The following FRAS1 variants were observed in gnomAD, a reference collection of about 807,000 sequenced individuals.
FRAS1 encodes Fraser extracellular matrix complex subunit 1.
FRAS1 carries 290 observed loss-of-function variants against 435.2 expected under a neutral mutation model. The ratio of observed to expected loss-of-function variants is 0.67; its 90% CI spans 0.61 to 0.73. The LOEUF (loss-of-function observed/expected upper bound fraction) is 0.73, where lower values mean the gene tolerates loss of function less well. FRAS1 is among the 30% of genes least tolerant of loss of function. The pLI is 0.00. For missense variants in FRAS1, 4,860 were observed against 5,001.5 expected (o/e 0.97, Z 0.85); for synonymous variants, 1,800 against 1,851.0 (o/e 0.97, Z 0.71).
At chr4:78,244,787 C>G (rs1725156157) in intron 3 of FRAS1, among the ~76,000 whole-genome samples, 2 of 152,182 alleles carry the variant, frequency 1.3e-5, no homozygotes, top group East Asian at 3.9e-4. Flanking sequence ...CCTCCTGTCC[C>G]AGGTAAAAGT....
intron 32 of FRAS1, among the ~76,000 whole-genome samples, chr4:78,416,509 C>T (rs769293904): frequency 3.3e-5 from 5 of 151,264 alleles, no homozygotes; most frequent in African/African-American, 4.9e-5. Context: ...ATATGGGAGG[C>T]GGGTGAAACA....
At chr4:78,527,243 A>G (rs1721564063) in intron 70 of FRAS1, among the ~76,000 whole-genome samples, 1 of 152,304 alleles carries the variant, frequency 6.6e-6, no homozygotes, top group South Asian at 2.1e-4. Flanking sequence ...ATAGAGCATA[A>G]CAATTGTGAA....
intron 22 of FRAS1, among the ~76,000 whole-genome samples, chr4:78,368,077 G>C (rs1280968035): frequency 4.6e-5 from 7 of 151,698 alleles, no homozygotes; most frequent in Non-Finnish European, 1.0e-4. Context: ...GTATTCACAA[G>C]TTTATTTTTG....
chr4:78,484,035 A>G (rs1720097733), intron 58 of FRAS1, among the ~76,000 whole-genome samples: 1 of 151,800 alleles, frequency 6.6e-6, no homozygotes. Context: ...AAATTATCTC[A>G]TGTGCCTTTG....
chr4:78,277,640 T>C (rs1392018967), intron 9 of FRAS1, among the ~76,000 whole-genome samples: 1 of 152,140 alleles, frequency 6.6e-6, no homozygotes, highest in Non-Finnish European at 1.5e-5. Context: ...GAATTACACT[T>C]TCTAAATTAT....
At chr4:78,214,516 G>A (rs1052191785) in intron 2 of FRAS1, among the ~76,000 whole-genome samples, 2 of 152,030 alleles carry the variant, frequency 1.3e-5, no homozygotes, top group South Asian at 2.1e-4. Flanking sequence ...TTTTTTAGCT[G>A]GAAATTTTTA....
intron 18 of FRAS1, 47 bp downstream of exon 18, chr4:78,319,033 T>G: frequency 1.9e-6 from 3 of 1,581,886 alleles, no homozygotes; most frequent in Non-Finnish European, 1.7e-6. Flanking sequence ...GGCTTATCTC[T>G]TGAGAGATCC....
intron 2 of FRAS1, among the ~76,000 whole-genome samples, chr4:78,194,804 G>A (rs575654306): frequency 1.1e-4 from 17 of 152,236 alleles, no homozygotes; most frequent in East Asian, 9.7e-4. Context: ...GCTTTGTTCC[G>A]TTGCTGGTGA....
At position 78,448,165 on chromosome 4, in the gene FRAS1, G is replaced by A. The variant is rs373385464; in HGVS notation, c.6123G>A (p.Val2041=). Residue 2041 remains valine (V), a synonymous_variant, in exon 44 of 74, where the codon GTG becomes GTA. Transcript: ENST00000512123. ...QDILAGLVGY[V]PSVPGMVVDE... Reference sequence around the variant, plus strand: ...TCCTAGCTGGGCTGGTTGGGTATGTGCCTAGTGTCCCTGGCATGGTCGTGG... The same window carrying A: ...TCCTAGCTGGGCTGGTTGGGTATGTACCTAGTGTCCCTGGCATGGTCGTGG... 2.7e-5 allele frequency: 43 copies of A among 1,613,674 alleles called. 3 individuals carry two copies. The African/African-American group carries it at 2.7e-4, about 10-fold the overall frequency.
intron 51 of FRAS1, among the ~76,000 whole-genome samples, chr4:78,470,509 T>C (rs1006754615): frequency 3.9e-5 from 6 of 152,164 alleles, no homozygotes; most frequent in African/African-American, 1.2e-4. Context: ...AATATACAGT[T>C]GGCCCTCAGT....
chr4:78,413,186 G>T, intron 32 of FRAS1, 101 bp downstream of exon 32: 1 of 611,484 alleles, frequency 1.6e-6, no homozygotes. Flanking sequence ...GTAAGTGCCT[G>T]GCCCAGATCA....
intron 72 of FRAS1, 97 bp from the exon 73 acceptor site, chr4:78,539,197 G>A: frequency 8.4e-7 from 1 of 1,194,456 alleles, no homozygotes; most frequent in Non-Finnish European, 1.2e-6. Context: ...CCTAAAGCCA[G>A]GAGTGATGAG....
intron 9 of FRAS1, among the ~76,000 whole-genome samples, chr4:78,274,717 G>A (rs1325194079): frequency 6.6e-6 from 1 of 152,194 alleles, no homozygotes; most frequent in Non-Finnish European, 1.5e-5. Context: ...CATTGCTGAT[G>A]AGTGCTTTAC....
At chr4:78,442,382 G>C (rs7699000) in intron 41 of FRAS1, among the ~76,000 whole-genome samples, 101,446 of 152,162 alleles carry the variant, frequency 0.67, 34,515 homozygotes, top group Non-Finnish European at 0.74. Context: ...AGCACTGAGA[G>C]AGTAAGTAGG....
At chr4:78,321,838 CAAAAAAA>C in intron 18 of FRAS1, among the ~76,000 whole-genome samples, 1 of 106,282 alleles carries the variant, frequency 9.4e-6, no homozygotes, top group Non-Finnish European at 1.9e-5. Context: ...AAAACTTCGT[CAAAAAAA>C]AAAAAAAAAA....
rs185170545 is a variant in FRAS1, at chr4:78,342,543, A to G, written c.2422+4726A>G. Reference sequence around the variant, plus strand: ...AAAGCCAGGTTTTCTTTTGTCATAGATTAGAAAAAATTTTTTTTTTGCCCA... The same window carrying G: ...AAAGCCAGGTTTTCTTTTGTCATAGGTTAGAAAAAATTTTTTTTTTGCCCA... On this transcript the variant is annotated intron_variant, in intron 20 of 73. Coordinates refer to ENST00000512123, the MANE Select transcript of FRAS1 (RefSeq NM_025074.7). Among the ~76,000 whole-genome samples the G allele has an allele frequency of 2.5e-3, 381 of 151,796 alleles. 1 individual carries two copies. Among genetic ancestry groups the G allele is most frequent in the African/African-American group, 8.5e-3 (349 of 41,062 alleles).
intron 38 of FRAS1, among the ~76,000 whole-genome samples, chr4:78,433,786 A>G (rs1274782139): frequency 1.3e-5 from 2 of 152,252 alleles, no homozygotes; most frequent in Admixed American, 1.3e-4. Context: ...TAATCAGACG[A>G]TCACCAGAGC....
chr4:78,384,223 T>A, intron 28 of FRAS1, 80 bp downstream of exon 28: 1 of 1,019,050 alleles, frequency 9.8e-7, no homozygotes, highest in Non-Finnish European at 1.5e-6. Flanking sequence ...CCTGTGGATT[T>A]AATGAAAATT....
intron 2 of FRAS1, among the ~76,000 whole-genome samples, chr4:78,083,811 T>C (rs1424897522): frequency 6.6e-6 from 1 of 152,020 alleles, no homozygotes; most frequent in Non-Finnish European, 1.5e-5. Flanking sequence ...TCAATGAACA[T>C]TACCTGGATC....
Sources: gnomAD v4.1 joint callset for allele counts (sites outside exome capture counted in the v4.1 genomes callset) on GRCh38, gnomAD v4.1.1 for gene constraint, MANE v1.5 for transcripts, NCBI Gene and HGNC (gene_info 2026-07-23, HGNC 2026-07-21) for gene names.